The following STYXL1 variants were observed in gnomAD, a reference collection of about 807,000 sequenced individuals.
STYXL1 encodes the protein serine/threonine/tyrosine interacting like 1.
Under a neutral mutation model 36.4 loss-of-function variants are expected in STYXL1, and 32 were observed. The ratio of observed to expected loss-of-function variants is 0.88; its 90% CI spans 0.66 to 1.18. The LOEUF (loss-of-function observed/expected upper bound fraction) is 1.18, where lower values mean the gene tolerates loss of function less well. Ranked by LOEUF, STYXL1 falls within the 50% of genes most tolerant of loss-of-function variation. The pLI is 0.00. For synonymous variants in STYXL1, 133 were observed against 144.1 expected, an observed-to-expected ratio of 0.92 and a Z score of 0.55; for missense variants, 354 against 394.1, an observed-to-expected ratio of 0.90 and a Z score of 0.86.
At chr7:76,034,153 A>G (rs2116379619) in intron 1 of STYXL1, among the ~76,000 whole-genome samples, 1 of 152,238 alleles carries the variant, frequency 6.6e-6, no homozygotes, top group Admixed American at 6.5e-5. Context: ...CCCATGTTGG[A>G]GTGCAGTGGC....
chr7:76,036,649 A>AT (rs35777449), intron 1 of STYXL1, among the ~76,000 whole-genome samples: 43,898 of 136,132 alleles, frequency 0.32, 8,791 homozygotes, highest in Middle Eastern at 0.52. Context: ...TTCCATGTGA[A>AT]TTTTTTTTTT....
Position 76,029,733 on chromosome 7 carries a change from A to G in STYXL1, c.103+688T>C, listed in dbSNP as rs952792792. Among the ~76,000 whole-genome samples, 5 of 152,172 alleles carry G rather than the reference A, an allele frequency of 3.3e-5. No individual in the cohort carries two copies. In the East Asian group the frequency reaches 9.6e-4, roughly 29 times the overall value. On this transcript the variant is annotated intron_variant, in intron 2 of 8. Transcript: ENST00000359697. ...AGGAGATAGTGACAGATCATCAGGC[A>G]TTAGATTCTCACAAGGAGAGCGCAA...
intron 4 of STYXL1, among the ~76,000 whole-genome samples, chr7:76,020,228 G>A (rs1157209295): frequency 1.3e-5 from 2 of 152,180 alleles, no homozygotes; most frequent in Admixed American, 6.5e-5. Flanking sequence ...GGGAAGAAGG[G>A]ACAATTTCCT....
At chr7:75,996,641 T>A in intron 8 of STYXL1, 42 bp from the exon 9 acceptor site, 1 of 1,601,466 alleles carries the variant, frequency 6.2e-7, no homozygotes, top group Non-Finnish European at 8.5e-7. Flanking sequence ...CGATTGGTCC[T>A]GGGCCCTTTC....
At chr7:76,022,478 C>T (rs1794190531) in intron 3 of STYXL1, among the ~76,000 whole-genome samples, 1 of 147,010 alleles carries the variant, frequency 6.8e-6, no homozygotes, top group Non-Finnish European at 1.5e-5. Context: ...TGGACAACAG[C>T]AAGATCCCCG....
At chr7:76,020,503 G>C (rs17148983) in intron 4 of STYXL1, among the ~76,000 whole-genome samples, 11,243 of 152,224 alleles carry the variant, frequency 0.074, 519 homozygotes, top group South Asian at 0.14. Flanking sequence ...GTTCTGACTT[G>C]GGGCTGCATG....
chr7:76,028,611 C>T (rs372415714), intron 3 of STYXL1, 31 bp downstream of exon 3: 8 of 1,610,226 alleles, frequency 5.0e-6, no homozygotes, highest in Non-Finnish European at 6.8e-6. Context: ...AGGTAGCCAG[C>T]CTGCCCCAGA....
intron 7 of STYXL1, among the ~76,000 whole-genome samples, chr7:76,001,397 C>T (rs1196378260): frequency 6.6e-6 from 1 of 152,338 alleles, no homozygotes; most frequent in African/African-American, 2.4e-5. Flanking sequence ...CTGCCACTCA[C>T]TGGCCGTGGG....
intron 1 of STYXL1, among the ~76,000 whole-genome samples, chr7:76,039,840 T>C (rs1021116949): frequency 6.6e-6 from 1 of 151,408 alleles, no homozygotes; most frequent in South Asian, 2.1e-4. Context: ...AGAGACGGGG[T>C]TTCACCACGT....
At chr7:76,046,357 C>T (rs1326036891) in intron 1 of STYXL1, among the ~76,000 whole-genome samples, 2 of 125,980 alleles carry the variant, frequency 1.6e-5, no homozygotes, top group African/African-American at 6.0e-5. Context: ...CGCGCGCGCG[C>T]GCTTTTGAGC....
In STYXL1 at chr7:76,017,655, G is replaced by A. The variant is rs533455898; in HGVS notation, c.308-3768C>T. 8.6e-5 allele frequency among the ~76,000 whole-genome samples: 13 copies of A among 151,792 alleles called. No homozygotes were observed. In the East Asian group the frequency reaches 2.0e-3, roughly 23 times the overall value. On this transcript the variant is annotated intron_variant, in intron 4 of 8. Coordinates refer to ENST00000359697, the MANE Select transcript of STYXL1 (RefSeq NM_001317785.2). The stretch of plus-strand genomic sequence containing the variant: ...AATCCCAATACTTTGGGAGGCCAAG[G>A]CGGGTGCATCATCTGAGGCCAGGAG...
intron 3 of STYXL1, among the ~76,000 whole-genome samples, chr7:76,024,760 C>T (rs1367414563): frequency 2.0e-5 from 3 of 151,894 alleles, no homozygotes; most frequent in African/African-American, 7.3e-5. Flanking sequence ...ACCAGCCTGA[C>T]CAATATGGTG....
intron 1 of STYXL1, among the ~76,000 whole-genome samples, chr7:76,042,174 A>G (rs1554582287): frequency 6.6e-6 from 1 of 152,134 alleles, no homozygotes; most frequent in Non-Finnish European, 1.5e-5. Context: ...GCAAGTACAC[A>G]TTACAGAACT....
At chr7:76,007,903 A>C (rs1474034422) in intron 5 of STYXL1, among the ~76,000 whole-genome samples, 2 of 151,578 alleles carry the variant, frequency 1.3e-5, no homozygotes, top group Non-Finnish European at 2.9e-5. Flanking sequence ...TCTCAAAAAA[A>C]AAAAAAAAAA....
rs187721072 is a variant in STYXL1 at position 76,011,211 on chromosome 7, C to T, written c.453+2531G>A. Reference sequence around the variant, plus strand: ...CCTGGGCAACAGAGTGAGACCCTGTCTCTAAAACGTATATATCGCCCAACT... The same window carrying T: ...CCTGGGCAACAGAGTGAGACCCTGTTTCTAAAACGTATATATCGCCCAACT... On this transcript the variant is annotated intron_variant, in intron 5 of 8. Coordinates refer to ENST00000359697, the MANE Select transcript of STYXL1 (RefSeq NM_001317785.2). 5.5e-3 allele frequency among the ~76,000 whole-genome samples: 832 copies of T among 152,290 alleles called. 4 individuals carry two copies. The highest frequency in any genetic ancestry group is 9.9e-3 in the Non-Finnish European group (673 of 68,024).
At chr7:76,002,038 G>A (rs2116758407) in intron 7 of STYXL1, among the ~76,000 whole-genome samples, 1 of 152,086 alleles carries the variant, frequency 6.6e-6, no homozygotes, top group South Asian at 2.1e-4. Flanking sequence ...TGAACTCCTG[G>A]GCTCAAGTAA....
chr7:76,016,296 A>G (rs563774945), intron 4 of STYXL1, among the ~76,000 whole-genome samples: 1 of 151,898 alleles, frequency 6.6e-6, no homozygotes, highest in African/African-American at 2.4e-5. Flanking sequence ...ATCTATACAT[A>G]CATGTGTATA....
intron 1 of STYXL1, chr7:76,044,075 C>A (rs1190258613): frequency 6.6e-6 from 1 of 152,186 alleles, no homozygotes; most frequent in African/African-American, 2.4e-5. Flanking sequence ...CCACACAGTG[C>A]TTCATACAGC....
At chr7:76,023,187 T>C (rs1004711230) in intron 3 of STYXL1, among the ~76,000 whole-genome samples, 7 of 152,002 alleles carry the variant, frequency 4.6e-5, no homozygotes, top group African/African-American at 1.4e-4. Context: ...CCACACTGAC[T>C]TCCCCTTCTC....
Sources: allele counts gnomAD v4.1 joint callset (sites outside exome capture counted in the v4.1 genomes callset), GRCh38; gene constraint gnomAD v4.1.1; transcripts MANE v1.5; gene names NCBI Gene and HGNC (gene_info 2026-07-23, HGNC 2026-07-21).